PTPRT: variants seen among roughly 807,000 people sequenced by gnomAD.
PTPRT encodes the protein protein tyrosine phosphatase receptor type T.
PTPRT carries 56 observed loss-of-function variants against 176.8 expected under a neutral mutation model. That is an observed-to-expected ratio of 0.32 (90% CI 0.26 to 0.40). PTPRT has a LOEUF of 0.40. PTPRT is among the 10% of genes least tolerant of loss of function. The probability of loss-of-function intolerance (pLI) is 1.00; values close to 1 mark genes in which losing one functional copy is unlikely to be tolerated. For missense variants in PTPRT, 1,540 were observed against 1,908.2 expected, an observed-to-expected ratio of 0.81 and a Z score of 3.60; for synonymous variants, 783 against 739.0, an observed-to-expected ratio of 1.06 and a Z score of -0.96.
chr20:42,912,146 T>C (rs548642156), intron 1 of PTPRT, among the ~76,000 whole-genome samples: 7 of 152,238 alleles, frequency 4.6e-5, no homozygotes, highest in Admixed American at 4.6e-4. Context: ...CCAGGACAGT[T>C]GTTGCAATTA....
chr20:43,002,129 C>T (rs979457148), intron 1 of PTPRT, among the ~76,000 whole-genome samples: 22 of 151,086 alleles, frequency 1.5e-4, no homozygotes, highest in African/African-American at 4.8e-4. Flanking sequence ...TTTCTCCTTC[C>T]TGCTGCCTTG....
At chr20:42,855,291 G>C (rs1435852656) in intron 2 of PTPRT, among the ~76,000 whole-genome samples, 2 of 151,988 alleles carry the variant, frequency 1.3e-5, no homozygotes, top group Non-Finnish European at 2.9e-5. Context: ...CTTCAAAGTT[G>C]ACTGAAATGA....
intron 5 of PTPRT, 91 bp downstream of exon 5, chr20:42,771,344 C>T: frequency 1.8e-6 from 2 of 1,140,210 alleles, no homozygotes; most frequent in South Asian, 2.6e-5. Flanking sequence ...TTGTTCAATA[C>T]ACTTGTGTTG....
chr20:42,917,856 GA>G (rs1978880071), intron 1 of PTPRT, among the ~76,000 whole-genome samples: 1 of 152,170 alleles, frequency 6.6e-6, no homozygotes, highest in Non-Finnish European at 1.5e-5. Flanking sequence ...CATACAAAAG[GA>G]ACTTCCGCTG....
intron 2 of PTPRT, among the ~76,000 whole-genome samples, chr20:42,812,938 T>C (rs1399505075): frequency 6.6e-6 from 1 of 152,148 alleles, no homozygotes; most frequent in East Asian, 1.9e-4. Flanking sequence ...TATATATCTT[T>C]ATGTCTGTAT....
intron 1 of PTPRT, among the ~76,000 whole-genome samples, chr20:43,146,822 A>G (rs2014184560): frequency 6.6e-6 from 1 of 151,980 alleles, no homozygotes; most frequent in Non-Finnish European, 1.5e-5. Flanking sequence ...GCCCCTGTGG[A>G]CCCTACTTTA....
At chr20:42,336,822 G>A (rs964552089) in intron 11 of PTPRT, among the ~76,000 whole-genome samples, 3 of 152,166 alleles carry the variant, frequency 2.0e-5, no homozygotes, top group African/African-American at 7.2e-5. Flanking sequence ...TCAGATGGCT[G>A]TGGATTAGCT....
intron 6 of PTPRT, among the ~76,000 whole-genome samples, chr20:42,728,138 A>G (rs914703680): frequency 1.7e-4 from 26 of 152,298 alleles, no homozygotes; most frequent in Admixed American, 1.4e-3. Flanking sequence ...AAATACCTTT[A>G]CCATGCATCA....
chr20:42,798,775 T>A (rs552720680), intron 2 of PTPRT, among the ~76,000 whole-genome samples: 1 of 152,272 alleles, frequency 6.6e-6, no homozygotes, highest in African/African-American at 2.4e-5. Flanking sequence ...GCATTTCATA[T>A]GCAAATTTGT....
At chr20:42,278,134 T>TATATATA (rs2057078533) in intron 13 of PTPRT, among the ~76,000 whole-genome samples, 2 of 98,678 alleles carry the variant, frequency 2.0e-5, no homozygotes, top group African/African-American at 7.9e-5. Context: ...TATATATATA[T>TATATATA]TTGCAAGTTG....
At chr20:42,676,579 T>A (rs2146057912) in intron 7 of PTPRT, among the ~76,000 whole-genome samples, 1 of 152,130 alleles carries the variant, frequency 6.6e-6, no homozygotes, top group East Asian at 1.9e-4. Flanking sequence ...TTCATCATGA[T>A]GTGGCCAAAA....
chr20:42,230,394 A>T (rs983747575), intron 15 of PTPRT, among the ~76,000 whole-genome samples: 3 of 152,326 alleles, frequency 2.0e-5, no homozygotes, highest in Non-Finnish European at 4.4e-5. Context: ...CCTCTGTTCA[A>T]AACAATTACT....
chr20:42,252,499 C>G (rs1178745288), intron 13 of PTPRT, among the ~76,000 whole-genome samples: 3 of 152,106 alleles, frequency 2.0e-5, no homozygotes, highest in Non-Finnish European at 2.9e-5. Context: ...GAATGGGGAA[C>G]AGGAGTGACC....
At chr20:42,606,674 G>C (rs1020076651) in intron 7 of PTPRT, 3 of 152,274 alleles carry the variant, frequency 2.0e-5, no homozygotes, top group South Asian at 2.1e-4. Flanking sequence ...TTTGAGCTGG[G>C]ATCCCCACTT....
chr20:42,614,216 G>C (rs2074023917), intron 7 of PTPRT, among the ~76,000 whole-genome samples: 1 of 152,080 alleles, frequency 6.6e-6, no homozygotes, highest in Admixed American at 6.5e-5. Context: ...TTCTCCCCAA[G>C]TGCATGGCTC....
chr20:42,639,523 T>G (rs951725317), intron 7 of PTPRT, among the ~76,000 whole-genome samples: 1 of 152,118 alleles, frequency 6.6e-6, no homozygotes, highest in African/African-American at 2.4e-5. Context: ...AGCATATTCC[T>G]TTCACGAATC....
intron 7 of PTPRT, among the ~76,000 whole-genome samples, chr20:42,605,715 G>C (rs2073864334): frequency 6.6e-6 from 1 of 152,214 alleles, no homozygotes; most frequent in Non-Finnish European, 1.5e-5. Context: ...ATTGGATGCT[G>C]CTGTGGGGAG....
intron 6 of PTPRT, among the ~76,000 whole-genome samples, chr20:42,752,493 G>T (rs73098040): frequency 6.6e-6 from 1 of 152,156 alleles, no homozygotes; most frequent in South Asian, 2.1e-4. Context: ...GCCCTGAACT[G>T]GAACCAAAGG....
chr20:42,329,617 T>C (rs1014140425), intron 11 of PTPRT, among the ~76,000 whole-genome samples: 3 of 151,780 alleles, frequency 2.0e-5, no homozygotes, highest in Non-Finnish European at 4.4e-5. Flanking sequence ...AAAGAATAAA[T>C]ACTCCCCAAA....
Sources: allele counts gnomAD v4.1 joint callset (sites outside exome capture counted in the v4.1 genomes callset), GRCh38; gene constraint gnomAD v4.1.1; transcripts MANE v1.5; gene names NCBI Gene and HGNC (gene_info 2026-07-23, HGNC 2026-07-21).